Variants in LRRC4C observed in about 807,000 individuals in gnomAD.
The protein encoded by LRRC4C is leucine rich repeat containing 4C.
LRRC4C carries 5 observed loss-of-function variants against 33.6 expected under a neutral mutation model. The ratio of observed to expected loss-of-function variants is 0.15; its 90% CI spans 0.08 to 0.31. The LOEUF is 0.31. Among genes scored for constraint, LRRC4C ranks in the 10% least tolerant of loss-of-function variants. The pLI, the probability that LRRC4C is intolerant of heterozygous loss-of-function variation, is 1.00. For synonymous variants in LRRC4C, 329 were observed against 302.0 expected, an observed-to-expected ratio of 1.09 and a Z score of -0.93; for missense variants, 560 against 796.7, an observed-to-expected ratio of 0.70 and a Z score of 3.58.
rs147434432 is a variant in LRRC4C, at chr11:40,367,446, C to T, written c.-269-47725G>A. Among the ~76,000 whole-genome samples, 539 of 152,206 alleles carry T rather than the reference C, an allele frequency of 3.5e-3. 7 individuals carry two copies. Among genetic ancestry groups the T allele is most frequent in the African/African-American group, 0.013 (523 of 41,560 alleles). On this transcript the variant is annotated intron_variant, in intron 3 of 6. Coordinates refer to ENST00000528697, the MANE Select transcript of LRRC4C (RefSeq NM_001258419.2). The stretch of plus-strand genomic sequence containing the variant: ...TTGCATAATGTACAACATTTTGATG[C>T]TGCACTAGTATTTCTTGAAAAACTG...
chr11:41,221,426 A>C (rs997570867), intron 1 of LRRC4C, among the ~76,000 whole-genome samples: 1 of 152,214 alleles, frequency 6.6e-6, no homozygotes, highest in Admixed American at 6.5e-5. Flanking sequence ...GTTGTAGAGA[A>C]AAAGAAAATC....
At chr11:41,079,170 G>C (rs373291821) in intron 1 of LRRC4C, among the ~76,000 whole-genome samples, 1 of 152,106 alleles carries the variant, frequency 6.6e-6, no homozygotes, top group South Asian at 2.1e-4. Context: ...ACTACATTTG[G>C]TTATGCAAAT....
chr11:41,156,240 C>T (rs914493522), intron 1 of LRRC4C, among the ~76,000 whole-genome samples: 1 of 152,102 alleles, frequency 6.6e-6, no homozygotes, highest in Non-Finnish European at 1.5e-5. Context: ...AAAGACAACA[C>T]AGTTACCCAA....
chr11:41,143,909 C>T (rs901533), intron 1 of LRRC4C, among the ~76,000 whole-genome samples: 147,844 of 152,300 alleles, frequency 0.97, 71,932 homozygotes, highest in East Asian at 1. Context: ...CTTCCACATA[C>T]AGTTTTAAAC....
intron 1 of LRRC4C, among the ~76,000 whole-genome samples, chr11:41,126,324 A>C (rs1942739684): frequency 6.6e-6 from 1 of 152,044 alleles, no homozygotes; most frequent in Admixed American, 6.6e-5. Context: ...GTAAGACCTA[A>C]GTAAGATTTA....
chr11:40,932,134 AAG>A (rs1176311160), intron 2 of LRRC4C, among the ~76,000 whole-genome samples: 6 of 152,142 alleles, frequency 3.9e-5, no homozygotes, highest in Non-Finnish European at 5.9e-5. Flanking sequence ...TAAATTGAAA[AAG>A]AGAGGAGGGA....
chr11:40,719,216 T>A (rs1234919706), intron 2 of LRRC4C, among the ~76,000 whole-genome samples: 4 of 152,246 alleles, frequency 2.6e-5, no homozygotes, highest in Non-Finnish European at 4.4e-5. Flanking sequence ...ATTGTGAACA[T>A]GTAATCATCT....
chr11:41,132,556 C>A (rs2135847215), intron 1 of LRRC4C, among the ~76,000 whole-genome samples: 1 of 151,890 alleles, frequency 6.6e-6, no homozygotes, highest in South Asian at 2.1e-4. Flanking sequence ...AGCAAGATAC[C>A]AAACTAAAAC....
intron 4 of LRRC4C, among the ~76,000 whole-genome samples, chr11:40,315,322 CT>C (rs1472825534): frequency 6.6e-6 from 1 of 151,744 alleles, no homozygotes; most frequent in East Asian, 1.9e-4. Context: ...CTTTAAATAG[CT>C]TTTGCTTAGT....
chr11:40,821,530 A>G (rs1951928232), intron 2 of LRRC4C, among the ~76,000 whole-genome samples: 1 of 151,556 alleles, frequency 6.6e-6, no homozygotes, highest in Non-Finnish European at 1.5e-5. Context: ...ATAAATTTAT[A>G]TTTTTTAACA....
intron 1 of LRRC4C, among the ~76,000 whole-genome samples, chr11:41,012,861 TA>T (rs1478455315): frequency 6.6e-6 from 1 of 152,232 alleles, no homozygotes; most frequent in Non-Finnish European, 1.5e-5. Context: ...TTTTCTCATA[TA>T]CCTATTGGCC....
chr11:40,572,349 G>A (rs968922562), intron 3 of LRRC4C, among the ~76,000 whole-genome samples: 1 of 152,132 alleles, frequency 6.6e-6, no homozygotes, highest in African/African-American at 2.4e-5. Context: ...AAGAGTAACA[G>A]CAGATGTAGC....
intron 4 of LRRC4C, among the ~76,000 whole-genome samples, chr11:40,268,247 T>C (rs1942431954): frequency 6.6e-6 from 1 of 152,192 alleles, no homozygotes; most frequent in South Asian, 2.1e-4. Flanking sequence ...AAGCAACTAG[T>C]ACTTGCCTTT....
intron 1 of LRRC4C, among the ~76,000 whole-genome samples, chr11:41,437,508 G>T (rs949739485): frequency 2.0e-5 from 3 of 151,788 alleles, no homozygotes; most frequent in Non-Finnish European, 4.4e-5. Flanking sequence ...TCAAAGATAG[G>T]AACAGTTCAT....
chr11:40,781,441 C>A (rs540658031), intron 2 of LRRC4C, among the ~76,000 whole-genome samples: 1 of 152,082 alleles, frequency 6.6e-6, no homozygotes, highest in Non-Finnish European at 1.5e-5. Context: ...TTTAGGATTG[C>A]CTGCTATAGC....
chr11:41,412,183 C>A (rs919901244), intron 1 of LRRC4C, among the ~76,000 whole-genome samples: 4 of 152,124 alleles, frequency 2.6e-5, no homozygotes, highest in Admixed American at 2.6e-4. Context: ...ATTTAACCCA[C>A]CAGCACTATG....
At chr11:40,452,751 A>G (rs1213193179) in intron 3 of LRRC4C, among the ~76,000 whole-genome samples, 1 of 152,220 alleles carries the variant, frequency 6.6e-6, no homozygotes, top group African/African-American at 2.4e-5. Flanking sequence ...CTGCAGCACT[A>G]TTCACAATAG....
chr11:41,179,883 G>GT (rs1565456051), intron 1 of LRRC4C, among the ~76,000 whole-genome samples: 1 of 20,664 alleles, frequency 4.8e-5, no homozygotes, highest in Non-Finnish European at 2.6e-4. Flanking sequence ...ACACAGGCAG[G>GT]TTTTCTTCCA....
chr11:40,447,514 C>T (rs1046952885), intron 3 of LRRC4C, among the ~76,000 whole-genome samples: 1 of 152,118 alleles, frequency 6.6e-6, no homozygotes, highest in African/African-American at 2.4e-5. Context: ...TCTCAACAAT[C>T]CAGGGGTCTT....
Sources: gnomAD v4.1 joint callset for allele counts (sites outside exome capture counted in the v4.1 genomes callset) on GRCh38, gnomAD v4.1.1 for gene constraint, MANE v1.5 for transcripts, NCBI Gene and HGNC (gene_info 2026-07-23, HGNC 2026-07-21) for gene names.